TBC1D2: variants seen among roughly 807,000 people sequenced by gnomAD.
TBC1D2 encodes TBC1 domain family member 2, also known as TBC1 domain family member 2A.
A neutral mutation model predicts 91.1 loss-of-function variants in TBC1D2; 58 were observed. That is an observed-to-expected ratio of 0.64 (90% CI 0.52 to 0.79). TBC1D2 has a LOEUF of 0.79. Among genes scored for constraint, TBC1D2 ranks in the 30% least tolerant of loss-of-function variants. The pLI is 0.00. For missense variants in TBC1D2, 1,080 were observed against 1,208.3 expected, an observed-to-expected ratio of 0.89 and a Z score of 1.57; for synonymous variants, 482 against 511.5, an observed-to-expected ratio of 0.94 and a Z score of 0.78.
At chr9:98,232,342 G>GTTTTTTTTTTTT (rs753455224) in intron 4 of TBC1D2, among the ~76,000 whole-genome samples, 6 of 86,770 alleles carry the variant, frequency 6.9e-5, no homozygotes, top group Admixed American at 4.8e-4. Context: ...CTCTTTTTCT[G>GTTTTTTTTTTTT]TTTTTTTTTT....
Position 98,199,201 on chromosome 9 carries a change from C to T in TBC1D2, c.*180G>A. On this transcript the variant is annotated 3_prime_UTR_variant, in exon 13 of 13. Transcript: ENST00000465784. ...AAGTGCCTATGAAGAAGTAGCCCAA[C>T]CAATGGCTTTGCAGCACACAATGTC... The T allele has an allele frequency of 2.8e-6, 2 of 703,214 alleles. No homozygotes were observed. Among genetic ancestry groups the T allele is most frequent in the Non-Finnish European group, 2.4e-6 (1 of 421,948 alleles). 43.6% of individuals were successfully genotyped at this position (703,214 alleles called of 1,614,324 possible).
At position 98,244,029 on chromosome 9, in the gene TBC1D2, C is replaced by G. The variant is rs1390315044; in HGVS notation, c.612G>C (p.Gln204His). Residue 204 changes from glutamine (Q) to histidine (H), a missense_variant, in exon 3 of 13, where the codon CAG becomes CAC. By Grantham distance (24) the Gln-to-His change is conservative. Transcript: ENST00000465784. The part of the protein sequence containing the change: ...AAALQPFPAL[Q>H]NISLKHLGTE... The stretch of plus-strand genomic sequence containing the variant: ...TCCCCAGGTGCTTGAGGGAAATATT[C>G]TGAAGGGCAGGGAAGGGCTGCAAGG... 1 of 1,610,504 alleles carries G rather than the reference C, an allele frequency of 6.2e-7. No individual in the cohort carries two copies.
Position 98,211,125 on chromosome 9 carries a change from C to T in TBC1D2, c.1486-282G>A, listed in dbSNP as rs549292887. Among the ~76,000 whole-genome samples, 81 of 152,376 alleles carry T rather than the reference C, an allele frequency of 5.3e-4. 1 individual carries two copies. The highest frequency in any genetic ancestry group is 1.9e-3 in the African/African-American group (78 of 41,588). On this transcript the variant is annotated intron_variant, in intron 7 of 12. Transcript: ENST00000465784. Reference sequence around the variant, plus strand: ...CTCTTACACAGCTTACAGTCCCATCCTGGTTCAGCCACTGCTAGCTGGGTG... The same window carrying T: ...CTCTTACACAGCTTACAGTCCCATCTTGGTTCAGCCACTGCTAGCTGGGTG...
intron 2 of TBC1D2, among the ~76,000 whole-genome samples, chr9:98,245,663 C>T (rs181125000): frequency 6.6e-6 from 1 of 152,220 alleles, no homozygotes; most frequent in East Asian, 1.9e-4. Context: ...GTTTGAGCTG[C>T]GTGATGGGAT....
Position 98,221,076 on chromosome 9 carries a change from C to T in TBC1D2, c.1131G>A (p.Glu377=). ...RQIAELGRRV[E]ALEQERESLA... ...GGCTCTCCCGCTCCTGCTCCAGGGC[C>T]TCCACCCGCCGGCCCAGCTCCGCGA... The change falls in exon 6 of 13, where the codon GAG becomes GAA. Residue 377 remains glutamate, a synonymous_variant. Coordinates refer to ENST00000465784, the MANE Select transcript of TBC1D2 (RefSeq NM_001267571.2). 6.3e-7 allele frequency: 1 copy of T among 1,596,384 alleles called. No homozygotes were observed. The highest frequency in any genetic ancestry group is 8.5e-7 in the Non-Finnish European group (1 of 1,170,568).
At chr9:98,203,960 T>C (rs1828580849) in intron 9 of TBC1D2, among the ~76,000 whole-genome samples, 1 of 152,192 alleles carries the variant, frequency 6.6e-6, no homozygotes, top group Admixed American at 6.5e-5. Flanking sequence ...GAGACAGACC[T>C]ACCTTGCCTC....
chr9:98,213,242 T>C, intron 6 of TBC1D2, 24 bp from the exon 7 acceptor site: 1 of 1,613,762 alleles, frequency 6.2e-7, no homozygotes, highest in South Asian at 1.1e-5. Context: ...TAAAATATGT[T>C]ATCAGTTGGA....
chr9:98,224,758 G>T (rs1829189900), intron 5 of TBC1D2, among the ~76,000 whole-genome samples: 1 of 152,270 alleles, frequency 6.6e-6, no homozygotes, highest in African/African-American at 2.4e-5. Flanking sequence ...CCCTACAGGG[G>T]TCAGATGAAG....
chr9:98,244,872 C>G (rs1829732589), intron 2 of TBC1D2, among the ~76,000 whole-genome samples: 1 of 151,870 alleles, frequency 6.6e-6, no homozygotes, highest in African/African-American at 2.4e-5. Context: ...ATTAATCATT[C>G]AAAACAATGT....
At chr9:98,220,044 G>GTCCCT in intron 6 of TBC1D2, among the ~76,000 whole-genome samples, 1 of 152,162 alleles carries the variant, frequency 6.6e-6, no homozygotes, top group Non-Finnish European at 1.5e-5. Context: ...GTCCCTGTGG[G>GTCCCT]GTGGGGAAGC....
rs1166853305 is a variant in TBC1D2, at chr9:98,213,164, G to C, written c.1429C>G (p.Gln477Glu). Reference sequence around the variant, plus strand: ...ACCTTTCTCCAGATCTTTGTGACCTGGTGGATCTCGGAGTTGAGGAAGCAG... The same window carrying C: ...ACCTTTCTCCAGATCTTTGTGACCTCGTGGATCTCGGAGTTGAGGAAGCAG... ...QNCFLNSEIHQVTKIWRKVAE... is the reference protein window; with the variant it reads ...QNCFLNSEIHEVTKIWRKVAE... The change falls in exon 7 of 13, where the codon CAG (glutamine) becomes GAG (glutamate). Residue 477 changes from glutamine (Q) to glutamate (E), a missense_variant. Coordinates refer to ENST00000465784, the MANE Select transcript of TBC1D2 (RefSeq NM_001267571.2). 2 of 1,614,068 alleles carry C rather than the reference G, an allele frequency of 1.2e-6. No individual in the cohort carries two copies. The highest frequency in any genetic ancestry group is 1.7e-6 in the Non-Finnish European group (2 of 1,180,044).
At chr9:98,234,619 G>C (rs1463187487) in intron 3 of TBC1D2, 1 of 152,212 alleles carries the variant, frequency 6.6e-6, no homozygotes, top group Non-Finnish European at 1.5e-5. Context: ...AGGAGCTGTT[G>C]GGTGGTCCAG....
At position 98,209,042 on chromosome 9, in the gene TBC1D2, C is replaced by A; in HGVS notation, c.1776G>T (p.Leu592=). The change falls in exon 9 of 13, where the codon CTG becomes CTT. Residue 592 remains leucine, a synonymous_variant. Transcript: ENST00000465784. ...IQALESRSHH[L]LGLEAVDRPL... is the part of the protein sequence containing the mutation. ...GCCGATCCACAGCCTCGAGGCCCAG[C>A]AGGTGGTGGGATCGTGACTCCAATG... 1 of 1,614,208 alleles carries A rather than the reference C, an allele frequency of 6.2e-7. No individual in the cohort carries two copies.
At chr9:98,220,616 A>G (rs1401408455) in intron 6 of TBC1D2, among the ~76,000 whole-genome samples, 1 of 152,212 alleles carries the variant, frequency 6.6e-6, no homozygotes, top group African/African-American at 2.4e-5. Context: ...TAATGGGTCA[A>G]TCAAGGCCCA....
At chr9:98,222,443 A>T (rs1829122742) in intron 5 of TBC1D2, among the ~76,000 whole-genome samples, 1 of 152,246 alleles carries the variant, frequency 6.6e-6, no homozygotes, top group Admixed American at 6.5e-5. Context: ...GATGCCTGCA[A>T]AGCTGGTGGA....
intron 6 of TBC1D2, among the ~76,000 whole-genome samples, chr9:98,220,359 A>G (rs1322393325): frequency 3.3e-5 from 5 of 152,068 alleles, no homozygotes; most frequent in Non-Finnish European, 5.9e-5. Context: ...CACAGGAAAC[A>G]CCCTATAAAT....
chr9:98,244,659 C>CA (rs59871511), intron 2 of TBC1D2, among the ~76,000 whole-genome samples: 3,839 of 45,372 alleles, frequency 0.085, 246 homozygotes, highest in African/African-American at 0.11. Flanking sequence ...AACTCCGTCT[C>CA]AAAAAAAAAA....
At position 98,242,803 on chromosome 9, in the gene TBC1D2, C is replaced by CTTTTTTTTTTT. The variant is rs36035887; in HGVS notation, c.647+1180_647+1190dup. ...TCCAAAGCCCAGGCCACACTGCTGC[C>CTTTTTTTTTTT]TTTTTTTTTTTTTTTTTTTTTTTTT... On this transcript the variant is annotated intron_variant, in intron 3 of 12. Transcript: ENST00000465784. 6.7e-4 allele frequency among the ~76,000 whole-genome samples: 56 copies of CTTTTTTTTTTT among 83,172 alleles called. 9 individuals carry two copies. The highest frequency in any genetic ancestry group is 2.6e-3 in the African/African-American group (50 of 19,050). The allele number at this position is 83,172 out of a possible 152,430, so 54.6% of individuals were successfully genotyped here. A position where few individuals can be genotyped will look rare whatever the true frequency, so the allele number is the denominator to read the frequency against.
chr9:98,234,293 T>C (rs1437645072), intron 3 of TBC1D2, among the ~76,000 whole-genome samples: 1 of 152,130 alleles, frequency 6.6e-6, no homozygotes, highest in Non-Finnish European at 1.5e-5. Context: ...GCTCAATACA[T>C]GTTTGGTTTA....
Sources: allele counts gnomAD v4.1 joint callset (sites outside exome capture counted in the v4.1 genomes callset), GRCh38; gene constraint gnomAD v4.1.1; transcripts MANE v1.5; gene names NCBI Gene and HGNC (gene_info 2026-07-23, HGNC 2026-07-21).